GBA2: variants seen among roughly 807,000 people sequenced by gnomAD.
The protein encoded by GBA2 is glucosylceramidase beta 2.
A neutral mutation model predicts 112.9 loss-of-function variants in GBA2; 79 were observed. The ratio of observed to expected loss-of-function variants is 0.70; its 90% CI spans 0.58 to 0.84. The LOEUF (loss-of-function observed/expected upper bound fraction) is 0.84, where lower values mean the gene tolerates loss of function less well. GBA2 is among the 40% of genes least tolerant of loss of function. The pLI, the probability that GBA2 is intolerant of heterozygous loss-of-function variation, is 0.00. For missense variants in GBA2, 1,043 were observed against 1,190.0 expected (o/e 0.88, Z 1.82); for synonymous variants, 403 against 434.3 (o/e 0.93, Z 0.90).
chr9:35,741,174 G>T lies in GBA2; in HGVS notation c.787-110C>A. The T allele has an allele frequency of 8.5e-7, 1 of 1,177,984 alleles. No individual in the cohort carries two copies. Among genetic ancestry groups the T allele is most frequent in the Non-Finnish European group, 1.2e-6 (1 of 830,794 alleles). The allele number at this position is 1,177,984 out of a possible 1,614,324, so 73.0% of individuals were successfully genotyped here. ...GGACCTGACTCAAATACTCCCCAGT[G>T]TACTCTTCTTTTGTCCACTTGCATC... On this transcript the variant is annotated intron_variant, in intron 4 of 16. Coordinates refer to ENST00000378103, the MANE Select transcript of GBA2 (RefSeq NM_020944.3). This position sits in a 1 kb window ranked among gnomAD's most constrained non-coding sequence, Gnocchi z 4.6.
In GBA2 at chr9:35,743,770, C is replaced by T. The variant is rs1247952330; in HGVS notation, c.567+527G>A. 8.5e-5 allele frequency among the ~76,000 whole-genome samples: 13 copies of T among 152,234 alleles called. No individual in the cohort carries two copies. In the East Asian group the frequency reaches 2.5e-3, roughly 29 times the overall value. ...TGAAGCTTCAGAAGAGGGAAGAAGG[C>T]TAGAGATCTAAGCCTGGGAGAGAAG... is the stretch of plus-strand genomic sequence containing the variant. On this transcript the variant is annotated intron_variant, in intron 3 of 16. Transcript: ENST00000378103.
Position 35,740,344 on chromosome 9 carries a change from T to G in GBA2, c.1148A>C (p.Gln383Pro). 6.2e-7 allele frequency: 1 copy of G among 1,613,292 alleles called. No individual in the cohort carries two copies. Among genetic ancestry groups the G allele is most frequent in the Non-Finnish European group, 8.5e-7 (1 of 1,179,880 alleles). ...AGCTCCAGCAATGCCTACTCCTTTC[T>G]GCGTAGGGGTGCTTTGGCCTGAGAG... ...DSPTGQSTPT[Q>P]KGVGIAGAVC... Residue 383 changes from glutamine (Q) to proline (P), a missense_variant, in exon 7 of 17, where the codon CAG (glutamine) becomes CCG (proline). Physicochemically the swap from Gln to Pro is moderately conservative, Grantham distance 76. Coordinates refer to ENST00000378103, the MANE Select transcript of GBA2 (RefSeq NM_020944.3). The surrounding 1 kb of genome is among the most constrained non-coding windows in gnomAD (Gnocchi z 4.7).
rs1175579453 is a variant in GBA2 at position 35,741,321 on chromosome 9, GTTTC to G, written c.787-261_787-258del. 3.9e-6 allele frequency: 2 copies of G among 514,962 alleles called. No individual in the cohort carries two copies. The highest frequency in any genetic ancestry group is 6.9e-6 in the Non-Finnish European group (2 of 291,316). 31.9% of individuals were successfully genotyped at this position (514,962 alleles called of 1,614,324 possible). A position where few individuals can be genotyped will look rare whatever the true frequency, so the allele number is the denominator to read the frequency against. ...CAACCTCCCTTTCACAGGCCATGCAGTTTCTTTTTTTTTTTTTTTGGGGGGTGCG... is the reference window on the plus strand; with the variant it reads ...CAACCTCCCTTTCACAGGCCATGCAGTTTTTTTTTTTTTTTGGGGGGTGCG... On this transcript the variant is annotated intron_variant, in intron 4 of 16. Transcript: ENST00000378103. This position sits in a 1 kb window ranked among gnomAD's most constrained non-coding sequence, Gnocchi z 4.6.
At position 35,744,298 on chromosome 9, in the gene GBA2, TG is replaced by T; in HGVS notation, c.565del (p.Gln189AsnfsTer80). 6.3e-7 allele frequency: 1 copy of T among 1,581,190 alleles called. No homozygotes were observed. Among genetic ancestry groups the T allele is most frequent in the South Asian group, 1.1e-5 (1 of 90,396 alleles). ...GCCTCTCCACCTCCTGGCTCTTACT[TG>T]GTCAGCGATGACTGTCCGGTGCTGA... Reference protein sequence around the residue: ...MYQHRTVIADQFTVCLRREGQ... With the variant: ...MYQHRTVIADXFTVCLRREGQ... On this transcript the variant is annotated frameshift_variant and splice_region_variant, in exon 3 of 17. Transcript: ENST00000378103. LOFTEE classifies it high-confidence loss of function.
chr9:35,744,604 G>A lies in GBA2; in HGVS notation c.451+11C>T, dbSNP rs1402945911. On this transcript the variant is annotated intron_variant, in intron 2 of 16. Transcript: ENST00000378103. ...CTTCTCTGAGCAGAGCAGAGATGGG[G>A]TGGGGCTCACCATAAATCTGTCTTA... 6.5e-7 allele frequency: 1 copy of A among 1,536,972 alleles called. No homozygotes were observed. The highest frequency in any genetic ancestry group is 1.7e-5 in the Admixed American group (1 of 59,950).
Position 35,740,115 on chromosome 9 carries a change from GTAT to G in GBA2, c.1289_1291del (p.Tyr430_Thr431delinsSer), listed in dbSNP as rs1826557977. 4 of 1,614,104 alleles carry G rather than the reference GTAT, an allele frequency of 2.5e-6. No homozygotes were observed. The highest frequency in any genetic ancestry group is 3.4e-6 in the Non-Finnish European group (4 of 1,180,002). On this transcript the variant is annotated inframe_deletion, in exon 8 of 17. Transcript: ENST00000378103. The surrounding 1 kb of genome is among the most constrained non-coding windows in gnomAD (Gnocchi z 4.7). ...ATCTCCATCCTGGCCAAAGAACCTTGTATACCGCCTGGGGTGGGAAGGGGAAGG... is the reference window on the plus strand; with the variant it reads ...ATCTCCATCCTGGCCAAAGAACCTTGACCGCCTGGGGTGGGAAGGGGAAGG...
At chr9:35,738,459 T>C in intron 13 of GBA2, 67 bp downstream of exon 13, 6 of 1,589,310 alleles carry the variant, frequency 3.8e-6, no homozygotes, top group Non-Finnish European at 5.2e-6. Flanking sequence ...CATTCTTTCT[T>C]GAGCCCTACA....
chr9:35,745,545 C>CTT (rs534174969), intron 1 of GBA2, among the ~76,000 whole-genome samples: 65 of 132,902 alleles, frequency 4.9e-4, no homozygotes, highest in African/African-American at 1.7e-3. Flanking sequence ...CCTCTCAAGC[C>CTT]TTTTTTTTTT....
chr9:35,740,130 T>G lies in GBA2; in HGVS notation c.1284-7A>C, dbSNP rs1588012352. On this transcript the variant is annotated splice_region_variant and splice_polypyrimidine_tract_variant and intron_variant, in intron 7 of 16. Transcript: ENST00000378103. This position sits in a 1 kb window ranked among gnomAD's most constrained non-coding sequence, Gnocchi z 4.7. ...AAAGAACCTTGTATACCGCCTGGGG[T>G]GGGAAGGGGAAGGATGAACACAAGC... 6.2e-7 allele frequency: 1 copy of G among 1,613,562 alleles called. No individual in the cohort carries two copies. The highest frequency in any genetic ancestry group is 1.7e-5 in the Admixed American group (1 of 59,986).
rs754998392 is a variant in GBA2, at chr9:35,739,073, C to T, written c.1724G>A (p.Arg575Gln). ...TGCCATCACCCCACTCATCAGGTAC[C>T]GTCGCCGTGTCAGGTCCTCCCTGAG... ...ATLREDLTRR[R>Q]YLMSGVMAPV... is the part of the protein sequence containing the mutation. Residue 575 changes from arginine to glutamine, a missense_variant, in exon 11 of 17, where the codon CGG becomes CAG. Physicochemically the swap from Arg to Gln is conservative, Grantham distance 43. Transcript: ENST00000378103. 31 of 1,612,652 alleles carry T rather than the reference C, an allele frequency of 1.9e-5. No individual in the cohort carries two copies. The South Asian group carries it at 2.1e-4, about 11-fold the overall frequency.
chr9:35,738,401 C>T (rs1430249268), intron 13 of GBA2, 27 bp from the exon 14 acceptor site: 1 of 1,610,352 alleles, frequency 6.2e-7, no homozygotes, highest in Admixed American at 1.7e-5. Context: ...GTTTGGGGGT[C>T]AGACTGGCAG....
chr9:35,745,128 A>G (rs567106864), intron 1 of GBA2, among the ~76,000 whole-genome samples: 1 of 149,348 alleles, frequency 6.7e-6, no homozygotes, highest in African/African-American at 2.5e-5. Context: ...ATTATTTATT[A>G]TTTTTTTTTT....
rs1219851656 is a variant in GBA2 at position 35,748,659 on chromosome 9, A to G, written c.46T>C (p.Ser16Pro). The G allele has an allele frequency of 1.3e-6, 2 of 1,597,158 alleles. No homozygotes were observed. The highest frequency in any genetic ancestry group is 2.2e-5 in the South Asian group (2 of 89,316). The part of the protein sequence containing the change: ...PGNMGTGVPA[S>P]EQISCAKEDP... ...TCTTTGGCACAGCTTATCTGCTCCG[A>G]GGCTGGGACGCCGGTTCCCATGTTC... The change falls in exon 1 of 17, where the codon TCG (serine) becomes CCG (proline). Residue 16 changes from serine to proline, a missense_variant. By Grantham distance (74) the Ser-to-Pro change is moderately conservative. Coordinates refer to ENST00000378103, the MANE Select transcript of GBA2 (RefSeq NM_020944.3).
rs372001753 is a variant in GBA2 at position 35,738,021 on chromosome 9, C to T, written c.2313+16G>A. The T allele has an allele frequency of 1.3e-6, 2 of 1,592,888 alleles. No individual in the cohort carries two copies. Among genetic ancestry groups the T allele is most frequent in the South Asian group, 1.1e-5 (1 of 90,034 alleles). ...AAACCCATTTTTCTCTCTGGCTGCTCCTCCTCCTCTCTCACCTCAGTGTCT... is the reference window on the plus strand; with the variant it reads ...AAACCCATTTTTCTCTCTGGCTGCTTCTCCTCCTCTCTCACCTCAGTGTCT... On this transcript the variant is annotated intron_variant, in intron 15 of 16. Transcript: ENST00000378103.
rs992326308 is a variant in GBA2, at chr9:35,748,897, T to C, written c.-193A>G. ...GGGCGGCGACAGCAAAGAAGCCGCC[T>C]TGGGCTCTCCTTCGGTTGTCTCTGT... On this transcript the variant is annotated 5_prime_UTR_variant, in exon 1 of 17. Coordinates refer to ENST00000378103, the MANE Select transcript of GBA2 (RefSeq NM_020944.3). The C allele has an allele frequency of 7.7e-6, 4 of 516,376 alleles. No individual in the cohort carries two copies. The highest frequency in any genetic ancestry group is 3.9e-5 in the African/African-American group (2 of 51,786). 32.0% of individuals were successfully genotyped at this position (516,376 alleles called of 1,614,324 possible). A position where few individuals can be genotyped will look rare whatever the true frequency, so the allele number is the denominator to read the frequency against.
Position 35,737,345 on chromosome 9 carries a change from G to C in GBA2, c.2608C>G (p.Arg870Gly). The change falls in exon 17 of 17, where the codon CGA becomes GGA. Residue 870 changes from arginine (R) to glycine (G), a missense_variant. Arg to Gly is a moderately radical substitution (Grantham distance 125, BLOSUM62 -2). Coordinates refer to ENST00000378103, the MANE Select transcript of GBA2 (RefSeq NM_020944.3). The surrounding 1 kb of genome is among the most constrained non-coding windows in gnomAD (Gnocchi z 4.1). ...ATGTAGGCCAGTGAGCGGAACACTC[G>C]CTGCTGGCAGTATGCCTCTGGGGTC... Reference protein sequence around the residue: ...FQTPEAYCQQRVFRSLAYMRP... With the variant: ...FQTPEAYCQQGVFRSLAYMRP... 6.2e-7 allele frequency: 1 copy of C among 1,614,120 alleles called. No homozygotes were observed. Among genetic ancestry groups the C allele is most frequent in the Non-Finnish European group, 8.5e-7 (1 of 1,180,018 alleles).
In GBA2 at chr9:35,741,308, C is replaced by T; in HGVS notation, c.787-244G>A. 2 of 560,946 alleles carry T rather than the reference C, an allele frequency of 3.6e-6. No individual in the cohort carries two copies. The highest frequency in any genetic ancestry group is 6.3e-6 in the Non-Finnish European group (2 of 318,378). 34.7% of individuals were successfully genotyped at this position (560,946 alleles called of 1,614,324 possible). A position where few individuals can be genotyped will look rare whatever the true frequency, so the allele number is the denominator to read the frequency against. On this transcript the variant is annotated intron_variant, in intron 4 of 16. Coordinates refer to ENST00000378103, the MANE Select transcript of GBA2 (RefSeq NM_020944.3). This position sits in a 1 kb window ranked among gnomAD's most constrained non-coding sequence, Gnocchi z 4.6. ...ATGTTCATGGCTCCAACCTCCCTTTCACAGGCCATGCAGTTTCTTTTTTTT... is the reference window on the plus strand; with the variant it reads ...ATGTTCATGGCTCCAACCTCCCTTTTACAGGCCATGCAGTTTCTTTTTTTT...
chr9:35,737,994 G>GA lies in GBA2; in HGVS notation c.2313+42dup, dbSNP rs1334574370. The GA allele has an allele frequency of 1.9e-6, 3 of 1,596,850 alleles. No homozygotes were observed. The highest frequency in any genetic ancestry group is 1.3e-5 in the African/African-American group (1 of 74,302). ...CATATACTTACTTCCCACCTCCAGG[G>GA]AAAACCCATTTTTCTCTCTGGCTGC... On this transcript the variant is annotated intron_variant, in intron 15 of 16. Coordinates refer to ENST00000378103, the MANE Select transcript of GBA2 (RefSeq NM_020944.3). The surrounding 1 kb of genome is among the most constrained non-coding windows in gnomAD (Gnocchi z 4.1).
chr9:35,748,804 GC>G lies in GBA2; in HGVS notation c.-101del. 1 of 736,966 alleles carries G rather than the reference GC, an allele frequency of 1.4e-6. No individual in the cohort carries two copies. The highest frequency in any genetic ancestry group is 2.2e-6 in the Non-Finnish European group (1 of 445,128). 45.7% of individuals were successfully genotyped at this position (736,966 alleles called of 1,614,324 possible). A position where few individuals can be genotyped will look rare whatever the true frequency, so the allele number is the denominator to read the frequency against. ...TCGTTGTTAGGTATCGTCCCGGAGG[GC>G]CGGGCGTTGGGGAAAGCTTAAATGA... On this transcript the variant is annotated 5_prime_UTR_variant, in exon 1 of 17. An upstream open reading frame in the 5' UTR loses its in-frame stop. Transcript: ENST00000378103.
Sources: gnomAD v4.1 joint callset for allele counts (sites outside exome capture counted in the v4.1 genomes callset) on GRCh38, gnomAD v4.1.1 for gene constraint, Gnocchi (gnomAD v3.1) non-coding constraint, MANE v1.5 for transcripts, NCBI Gene and HGNC (gene_info 2026-07-23, HGNC 2026-07-21) for gene names.